The following RALGPS1 variants were observed in gnomAD, a reference collection of about 807,000 sequenced individuals.
RALGPS1 encodes the protein Ral GEF with PH domain and SH3 binding motif 1.
A neutral mutation model predicts 78.8 loss-of-function variants in RALGPS1; 19 were observed. The ratio of observed to expected loss-of-function variants is 0.24; its 90% CI spans 0.17 to 0.35. The LOEUF (loss-of-function observed/expected upper bound fraction) is 0.35, where lower values mean the gene tolerates loss of function less well. Among genes scored for constraint, RALGPS1 ranks in the 10% least tolerant of loss-of-function variants. The pLI is 1.00. For missense variants in RALGPS1, 454 were observed against 688.3 expected (o/e 0.66, Z 3.81); for synonymous variants, 228 against 256.3 (o/e 0.89, Z 1.06).
At chr9:127,105,081 C>G (rs972098413) in intron 8 of RALGPS1, among the ~76,000 whole-genome samples, 2 of 152,208 alleles carry the variant, frequency 1.3e-5, no homozygotes, top group African/African-American at 2.4e-5. Context: ...TTCCTGGGCT[C>G]TGTCTACCCA....
chr9:127,186,623 C>T (rs1251497793), intron 11 of RALGPS1, among the ~76,000 whole-genome samples: 1 of 152,206 alleles, frequency 6.6e-6, no homozygotes, highest in Non-Finnish European at 1.5e-5. Flanking sequence ...TCCCTGGGGC[C>T]CAGTTGAATG....
intron 1 of RALGPS1, among the ~76,000 whole-genome samples, chr9:126,955,206 C>G (rs182178137): frequency 1.3e-5 from 2 of 152,330 alleles, no homozygotes; most frequent in East Asian, 3.9e-4. Context: ...TATTTTCTGA[C>G]TGCCTACCTA....
intron 1 of RALGPS1, among the ~76,000 whole-genome samples, chr9:126,921,470 T>A (rs935937969): frequency 5.9e-5 from 9 of 152,240 alleles, no homozygotes; most frequent in African/African-American, 2.2e-4. Context: ...GAGTTGTACT[T>A]GTCTCACCTG....
At chr9:127,009,839 C>T (rs2044186143) in intron 4 of RALGPS1, among the ~76,000 whole-genome samples, 1 of 152,098 alleles carries the variant, frequency 6.6e-6, no homozygotes, top group African/African-American at 2.4e-5. Flanking sequence ...GAAGGTTTAG[C>T]CCACAGCCCT....
chr9:127,020,517 G>A (rs1393593230), intron 4 of RALGPS1, among the ~76,000 whole-genome samples: 2 of 152,216 alleles, frequency 1.3e-5, no homozygotes. Flanking sequence ...ATTTTCTTCT[G>A]AAACTCAGAG....
chr9:127,104,222 A>G (rs565100403), intron 8 of RALGPS1, among the ~76,000 whole-genome samples: 26 of 152,306 alleles, frequency 1.7e-4, no homozygotes, highest in African/African-American at 5.8e-4. Context: ...TGGTCTTTAA[A>G]GATTAGTTTC....
chr9:127,222,992 A>G lies in RALGPS1; in HGVS notation c.*4223A>G, dbSNP rs964031868. The stretch of plus-strand genomic sequence containing the variant: ...CACCCGCAGTAACCACTGAACGTCA[A>G]TCAGCCCTCCATGGGGTTCTTTCGA... On this transcript the variant is annotated 3_prime_UTR_variant, in exon 19 of 19. Transcript: ENST00000259351. 6.6e-6 allele frequency: 1 copy of G among 152,658 alleles called. No homozygotes were observed. The highest frequency in any genetic ancestry group is 2.4e-5 in the African/African-American group (1 of 41,452). The allele number at this position is 152,658 out of a possible 1,614,324, so 9.5% of individuals were successfully genotyped here.
intron 5 of RALGPS1, among the ~76,000 whole-genome samples, chr9:127,043,258 A>G (rs1395484918): frequency 6.6e-6 from 1 of 152,238 alleles, no homozygotes; most frequent in African/African-American, 2.4e-5. Context: ...GGTATTGGCG[A>G]AAGAATTGGC....
chr9:127,018,038 G>A (rs1323554131), intron 4 of RALGPS1, among the ~76,000 whole-genome samples: 3 of 151,736 alleles, frequency 2.0e-5, no homozygotes, highest in Non-Finnish European at 4.4e-5. Flanking sequence ...CCAACATGGT[G>A]AAATCCCGTC....
At position 127,212,541 on chromosome 9, in the gene RALGPS1, A is replaced by T. The variant is rs2062331439; in HGVS notation, c.1354-86A>T. Reference sequence around the variant, plus strand: ...AGAGATGGGGCCTGCACTGGCATTGATGGGATGGCTGGGTCTGTAATCGGC... The same window carrying T: ...AGAGATGGGGCCTGCACTGGCATTGTTGGGATGGCTGGGTCTGTAATCGGC... On this transcript the variant is annotated intron_variant, in intron 15 of 18. Coordinates refer to ENST00000259351, the MANE Select transcript of RALGPS1 (RefSeq NM_014636.3). The surrounding 1 kb of genome is among the most constrained non-coding windows in gnomAD (Gnocchi z 6.0). 2 of 961,100 alleles carry T rather than the reference A, an allele frequency of 2.1e-6. No homozygotes were observed. The highest frequency in any genetic ancestry group is 1.6e-5 in the South Asian group (1 of 63,436). The allele number at this position is 961,100 out of a possible 1,614,324, so 59.5% of individuals were successfully genotyped here.
At chr9:127,130,762 G>A (rs1287848974) in intron 8 of RALGPS1, among the ~76,000 whole-genome samples, 1 of 152,204 alleles carries the variant, frequency 6.6e-6, no homozygotes, top group Non-Finnish European at 1.5e-5. Context: ...AGAAACTGAG[G>A]CTCAAGTTAA....
intron 8 of RALGPS1, among the ~76,000 whole-genome samples, chr9:127,144,241 C>T (rs1182304639): frequency 6.6e-6 from 1 of 152,170 alleles, no homozygotes. Context: ...CCGCTGGATC[C>T]CCACCCAGCA....
chr9:127,006,650 G>A (rs1433316019), intron 4 of RALGPS1, among the ~76,000 whole-genome samples: 10 of 152,230 alleles, frequency 6.6e-5, no homozygotes, highest in Non-Finnish European at 1.5e-4. Flanking sequence ...ACTAATATAA[G>A]GAAGGCAGTT....
chr9:127,202,860 G>T (rs1423288708), intron 14 of RALGPS1, among the ~76,000 whole-genome samples: 1 of 152,070 alleles, frequency 6.6e-6, no homozygotes, highest in Non-Finnish European at 1.5e-5. Context: ...GAGAAGGGGG[G>T]CCCCCAGCAC....
At chr9:127,023,265 C>T (rs2045638452) in intron 4 of RALGPS1, among the ~76,000 whole-genome samples, 2 of 152,184 alleles carry the variant, frequency 1.3e-5, no homozygotes, top group South Asian at 4.1e-4. Context: ...TCCTTTGTGG[C>T]CTTGAGTTGT....
At chr9:127,108,387 G>A in intron 8 of RALGPS1, 1 of 1,609,360 alleles carries the variant, frequency 6.2e-7, no homozygotes, top group Non-Finnish European at 8.5e-7. Context: ...CGCTCACAAT[G>A]CCGCCGTCCA....
In RALGPS1 at chr9:127,183,092, G is replaced by A. The variant is rs1048336864; in HGVS notation, c.910+8310G>A. On this transcript the variant is annotated intron_variant, in intron 11 of 18. Coordinates refer to ENST00000259351, the MANE Select transcript of RALGPS1 (RefSeq NM_014636.3). The surrounding 1 kb of genome is among the most constrained non-coding windows in gnomAD (Gnocchi z 4.0). ...TAAACAACCAGACCTCCCGTGAACTGAGTGAGAACTCACTCATCACCAGGG... is the reference window on the plus strand; with the variant it reads ...TAAACAACCAGACCTCCCGTGAACTAAGTGAGAACTCACTCATCACCAGGG... 7.2e-5 allele frequency among the ~76,000 whole-genome samples: 11 copies of A among 152,142 alleles called. No homozygotes were observed. Among genetic ancestry groups the A allele is most frequent in the African/African-American group, 2.7e-4 (11 of 41,432 alleles).
At chr9:127,193,479 G>C (rs1296258411) in intron 11 of RALGPS1, among the ~76,000 whole-genome samples, 1 of 152,192 alleles carries the variant, frequency 6.6e-6, no homozygotes, top group African/African-American at 2.4e-5. Context: ...CAGCAGAGAA[G>C]ACAACTCATG....
At chr9:127,168,849 C>T in intron 10 of RALGPS1, 77 bp downstream of exon 10, 1 of 1,265,090 alleles carries the variant, frequency 7.9e-7, no homozygotes, top group Non-Finnish European at 1.2e-6. Context: ...TGCAAGTGGC[C>T]TAGCCCTTGT....
Sources: allele counts gnomAD v4.1 joint callset (sites outside exome capture counted in the v4.1 genomes callset), GRCh38; gene constraint gnomAD v4.1.1; non-coding constraint Gnocchi (gnomAD v3.1); transcripts MANE v1.5; gene names NCBI Gene and HGNC (gene_info 2026-07-23, HGNC 2026-07-21).